The following STT3B variants were observed in gnomAD, a reference collection of about 807,000 sequenced individuals.
STT3B encodes the protein STT3 oligosaccharyltransferase complex catalytic subunit B, also known as dolichyl-diphosphooligosaccharide--protein glycosyltransferase subunit STT3B.
In STT3B, 29 loss-of-function variants were observed where a neutral mutation model predicts 96.8. That is an observed-to-expected ratio of 0.30 (90% CI 0.22 to 0.41). The LOEUF (loss-of-function observed/expected upper bound fraction) is 0.41, where lower values mean the gene tolerates loss of function less well. Among genes scored for constraint, STT3B ranks in the 10% least tolerant of loss-of-function variants. The probability of loss-of-function intolerance (pLI) is 1.00; values close to 1 mark genes in which losing one functional copy is unlikely to be tolerated. For synonymous variants in STT3B, 367 were observed against 360.0 expected (o/e 1.02, Z -0.22); for missense variants, 640 against 1,022.3 (o/e 0.63, Z 5.10).
intron 14 of STT3B, 52 bp from the exon 15 acceptor site, chr3:31,632,883 A>G: frequency 6.7e-7 from 1 of 1,495,608 alleles, no homozygotes; most frequent in Non-Finnish European, 9.2e-7. Flanking sequence ...GTCTTATAAC[A>G]CTGAATGTTT....
rs191699565 is a variant in STT3B, at chr3:31,579,262, C to T, written c.424-547C>T. 2.6e-3 allele frequency among the ~76,000 whole-genome samples: 391 copies of T among 151,954 alleles called. 3 individuals are homozygous for T. The highest frequency in any genetic ancestry group is 9.1e-3 in the African/African-American group (377 of 41,464). On this transcript the variant is annotated intron_variant, in intron 2 of 15. Coordinates refer to ENST00000295770, the MANE Select transcript of STT3B (RefSeq NM_178862.3). ...CACCAACTGACTCTTCCCTCTTTTC[C>T]TAGCTAGACTGTTCCCTCTTTTCCT...
intron 3 of STT3B, among the ~76,000 whole-genome samples, chr3:31,592,269 A>G (rs1170025166): frequency 6.6e-6 from 1 of 152,194 alleles, no homozygotes; most frequent in Non-Finnish European, 1.5e-5. Context: ...AGGTTTATCC[A>G]TGTTGTAGCA....
chr3:31,600,225 A>G, intron 4 of STT3B, 135 bp from the exon 5 acceptor site: 1 of 417,624 alleles, frequency 2.4e-6, no homozygotes, highest in East Asian at 3.5e-5. Context: ...TAGGTTAGTA[A>G]GTTCTTATTT....
chr3:31,629,093 G>A (rs867202613), intron 13 of STT3B, among the ~76,000 whole-genome samples: 13 of 152,118 alleles, frequency 8.5e-5, no homozygotes, highest in Admixed American at 1.3e-4. Context: ...AGGACAGAAC[G>A]AGACATTGTC....
At chr3:31,605,381 G>A (rs1004786715) in intron 5 of STT3B, among the ~76,000 whole-genome samples, 2 of 151,992 alleles carry the variant, frequency 1.3e-5, no homozygotes, top group African/African-American at 4.8e-5. Context: ...TGGTTTGGCT[G>A]TGTCCCCACC....
At chr3:31,540,101 G>C (rs867029109) in intron 1 of STT3B, among the ~76,000 whole-genome samples, 4 of 152,062 alleles carry the variant, frequency 2.6e-5, no homozygotes, top group African/African-American at 4.8e-5. Context: ...TTGAGAAGTC[G>C]TTTGAAATTG....
intron 1 of STT3B, among the ~76,000 whole-genome samples, chr3:31,535,446 G>A (rs573671908): frequency 6.6e-6 from 1 of 151,796 alleles, no homozygotes. Flanking sequence ...TGTTTTGGTC[G>A]GGCGCGGTGG....
chr3:31,578,801 G>C (rs1237174908), intron 2 of STT3B, among the ~76,000 whole-genome samples: 1 of 151,822 alleles, frequency 6.6e-6, no homozygotes, highest in Admixed American at 6.6e-5. Context: ...TCTTGTGAGC[G>C]TAGGCAGTTA....
At chr3:31,562,532 TC>T in intron 1 of STT3B, among the ~76,000 whole-genome samples, 1 of 152,036 alleles carries the variant, frequency 6.6e-6, no homozygotes, top group Non-Finnish European at 1.5e-5. Context: ...GGAGGGGTGA[TC>T]CCCAGTTTGT....
chr3:31,625,868 T>C, intron 12 of STT3B, 86 bp from the exon 13 acceptor site: 1 of 1,264,920 alleles, frequency 7.9e-7, no homozygotes, highest in Non-Finnish European at 1.1e-6. Flanking sequence ...TCTTGATGAA[T>C]TCCATGTTGT....
At chr3:31,563,790 T>C (rs1479103645) in intron 1 of STT3B, among the ~76,000 whole-genome samples, 2 of 152,144 alleles carry the variant, frequency 1.3e-5, no homozygotes, top group African/African-American at 4.8e-5. Flanking sequence ...TTGGTAATTG[T>C]GGAAATTAGA....
intron 1 of STT3B, among the ~76,000 whole-genome samples, chr3:31,563,110 TC>T (rs1336481141): frequency 5.9e-5 from 9 of 152,312 alleles, no homozygotes; most frequent in Middle Eastern, 6.8e-3. Flanking sequence ...TCCCTCTTTT[TC>T]CTTGCTTTTG....
At chr3:31,610,626 A>G (rs1469520210) in intron 5 of STT3B, among the ~76,000 whole-genome samples, 1 of 152,176 alleles carries the variant, frequency 6.6e-6, no homozygotes, top group Non-Finnish European at 1.5e-5. Flanking sequence ...ACATTAAGTC[A>G]AGGACTATGG....
At chr3:31,625,859 C>G (rs942273054) in intron 12 of STT3B, 95 bp from the exon 13 acceptor site, 7 of 1,191,724 alleles carry the variant, frequency 5.9e-6, no homozygotes, top group South Asian at 3.4e-5. Context: ...AAAACAAACT[C>G]TTGATGAATT....
intron 1 of STT3B, among the ~76,000 whole-genome samples, chr3:31,536,165 AAGG>A (rs1697089533): frequency 6.6e-6 from 1 of 152,184 alleles, no homozygotes; most frequent in South Asian, 2.1e-4. Flanking sequence ...AAAAGGTTAA[AAGG>A]AGGGGGATGT....
chr3:31,621,985 G>T, intron 9 of STT3B, 112 bp from the exon 10 acceptor site: 1 of 725,480 alleles, frequency 1.4e-6, no homozygotes. Flanking sequence ...CAATTAGATC[G>T]TTTGTGAGAC....
intron 5 of STT3B, among the ~76,000 whole-genome samples, chr3:31,606,564 G>T (rs1455276752): frequency 1.3e-5 from 2 of 152,202 alleles, no homozygotes; most frequent in African/African-American, 2.4e-5. Context: ...GAGCTTGCAG[G>T]TGCACAGAAG....
intron 14 of STT3B, among the ~76,000 whole-genome samples, chr3:31,629,618 C>G (rs1575449273): frequency 1.3e-5 from 2 of 152,066 alleles, no homozygotes; most frequent in South Asian, 4.1e-4. Flanking sequence ...GGACTTCTTT[C>G]TAACATATTT....
chr3:31,554,886 A>G (rs528933059), intron 1 of STT3B, among the ~76,000 whole-genome samples: 31 of 152,226 alleles, frequency 2.0e-4, no homozygotes, highest in African/African-American at 6.5e-4. Context: ...AATTTATTCT[A>G]TAGTGATTGT....
Sources: allele counts gnomAD v4.1 joint callset (sites outside exome capture counted in the v4.1 genomes callset), GRCh38; gene constraint gnomAD v4.1.1; transcripts MANE v1.5; gene names NCBI Gene and HGNC (gene_info 2026-07-23, HGNC 2026-07-21).